The following GOLGA6C variants were observed in gnomAD, a reference collection of about 807,000 sequenced individuals.
GOLGA6C encodes golgin subfamily A member 6C.
A neutral mutation model predicts 57.5 loss-of-function variants in GOLGA6C; 3 were observed. The ratio of observed to expected loss-of-function variants is 0.05; its 90% CI spans 0.02 to 0.13. The LOEUF (loss-of-function observed/expected upper bound fraction) is 0.13, where lower values mean the gene tolerates loss of function less well. Ranked by LOEUF, GOLGA6C falls within the 10% of genes least tolerant of loss-of-function variation. The pLI is 1.00. For synonymous variants in GOLGA6C, 32 were observed against 203.8 expected, an observed-to-expected ratio of 0.16 and a Z score of 7.18; for missense variants, 88 against 525.6, an observed-to-expected ratio of 0.17 and a Z score of 8.14.
chr15:75,259,230 T>TC (rs2070723762), intron 1 of GOLGA6C, among the ~76,000 whole-genome samples: 1 of 148,940 alleles, frequency 6.7e-6, no homozygotes, highest in Admixed American at 6.6e-5. Context: ...TGATGAGGTT[T>TC]CCCCCACCCC....
At chr15:75,258,864 C>G (rs1452820359) in intron 1 of GOLGA6C, among the ~76,000 whole-genome samples, 182 bp downstream of exon 1, 2 of 151,312 alleles carry the variant, frequency 1.3e-5, no homozygotes, top group Non-Finnish European at 2.9e-5. Flanking sequence ...CAGCAAGCAG[C>G]CCAGCCTCTG....
chr15:75,259,181 C>G (rs563772241), intron 1 of GOLGA6C, among the ~76,000 whole-genome samples: 1 of 151,902 alleles, frequency 6.6e-6, no homozygotes. Context: ...CCCCACGTCC[C>G]CCCTCCCCCA....
At position 75,270,132 on chromosome 15, in the gene GOLGA6C, G is replaced by C. The variant is rs570843635; in HGVS notation, c.2015G>C (p.Gly672Ala). 1.1e-5 allele frequency: 17 copies of C among 1,595,580 alleles called. No homozygotes were observed. Among genetic ancestry groups the C allele is most frequent in the Admixed American group, 1.7e-5 (1 of 57,476 alleles). ...VEPAPGAARE[G>A]SPHDNPPVQQ... ...CCTGCACCAGGAGCGGCCAGGGAGGGTTCTCCCCATGACAACCCCCCGGTA... is the reference window on the plus strand; with the variant it reads ...CCTGCACCAGGAGCGGCCAGGGAGGCTTCTCCCCATGACAACCCCCCGGTA... The change falls in exon 18 of 18, where the codon GGT (glycine) becomes GCT (alanine). Residue 672 changes from glycine (G) to alanine (A), a missense_variant. By Grantham distance (60) the Gly-to-Ala change is moderately conservative. Coordinates refer to ENST00000300576, the MANE Select transcript of GOLGA6C (RefSeq NM_001164404.2).
rs1331653149 is a variant in GOLGA6C at position 75,265,371 on chromosome 15, A to T, written c.706A>T (p.Ile236Leu). Residue 236 changes from isoleucine (I) to leucine (L), a missense_variant, in exon 9 of 18, where the codon ATA (isoleucine) becomes TTA (leucine). Transcript: ENST00000300576. The stretch of plus-strand genomic sequence containing the variant: ...AGAGCGGGACGAATATGCTAAACAC[A>T]TAAAAGGAGAGAGGGCCCGGTGGCA... ...QLERDEYAKH[I>L]KGERARWQER... 1 of 1,603,370 alleles carries T rather than the reference A, an allele frequency of 6.2e-7. No homozygotes were observed. The highest frequency in any genetic ancestry group is 1.1e-5 in the South Asian group (1 of 90,330).
Position 75,270,062 on chromosome 15 carries a change from C to G in GOLGA6C, c.1955-10C>G, listed in dbSNP as rs1480677868. 2 of 1,603,834 alleles carry G rather than the reference C, an allele frequency of 1.2e-6. No homozygotes were observed. The highest frequency in any genetic ancestry group is 1.1e-5 in the South Asian group (1 of 90,158). On this transcript the variant is annotated splice_polypyrimidine_tract_variant and intron_variant, in intron 17 of 17. Coordinates refer to ENST00000300576, the MANE Select transcript of GOLGA6C (RefSeq NM_001164404.2). ...ACTGTGCTCAGACCCCCGCCTCCCT[C>G]TCTCCGAAGATTTTTATGAAGTGAG...
intron 14 of GOLGA6C, among the ~76,000 whole-genome samples, chr15:75,269,188 G>A (rs1345223730): frequency 2.1e-5 from 3 of 146,320 alleles, no homozygotes; most frequent in Non-Finnish European, 4.5e-5. Flanking sequence ...GGAGGAGCAG[G>A]CACGGCTATG....
Position 75,273,006 on chromosome 15 carries a change from ATTTG to A in GOLGA6C, c.*2811_*2814del, listed in dbSNP as rs2070796740. Among the ~76,000 whole-genome samples, 1 of 152,018 alleles carries A rather than the reference ATTTG, an allele frequency of 6.6e-6. No individual in the cohort carries two copies. Among genetic ancestry groups the A allele is most frequent in the Admixed American group, 6.6e-5 (1 of 15,262 alleles). The stretch of plus-strand genomic sequence containing the variant: ...TGCAATATATAATCATTTTTAAAGT[ATTTG>A]TTTAACCTGATGGGTTTTCCAGAAA... On this transcript the variant is annotated 3_prime_UTR_variant, in exon 18 of 18. Coordinates refer to ENST00000300576, the MANE Select transcript of GOLGA6C (RefSeq NM_001164404.2).
chr15:75,272,920 G>T lies in GOLGA6C; in HGVS notation c.*2721G>T, dbSNP rs1369059305. On this transcript the variant is annotated 3_prime_UTR_variant, in exon 18 of 18. Coordinates refer to ENST00000300576, the MANE Select transcript of GOLGA6C (RefSeq NM_001164404.2). Reference sequence around the variant, plus strand: ...AGAAACATAGAATTTTAAAGTGTGGGTTCAACTGAATAAATTTGAATTTCT... The same window carrying T: ...AGAAACATAGAATTTTAAAGTGTGGTTTCAACTGAATAAATTTGAATTTCT... Among the ~76,000 whole-genome samples the T allele has an allele frequency of 6.6e-6, 1 of 152,014 alleles. No individual in the cohort carries two copies. The highest frequency in any genetic ancestry group is 1.5e-5 in the Non-Finnish European group (1 of 68,052).
Position 75,258,525 on chromosome 15 carries a change from C to T in GOLGA6C, c.-74C>T. The T allele has an allele frequency of 9.8e-6, 4 of 406,288 alleles. No homozygotes were observed. Among genetic ancestry groups the T allele is most frequent in the South Asian group, 8.6e-5 (4 of 46,270 alleles). 25.2% of individuals were successfully genotyped at this position (406,288 alleles called of 1,614,324 possible). On this transcript the variant is annotated 5_prime_UTR_variant, in exon 1 of 18. Coordinates refer to ENST00000300576, the MANE Select transcript of GOLGA6C (RefSeq NM_001164404.2). ...TAAGGCCACACCCCTATTCTGCATT[C>T]TAGTGTGGCCCTGGTTACGCCTCCT... is the stretch of plus-strand genomic sequence containing the variant.
rs1439422687 is a variant in GOLGA6C at position 75,273,160 on chromosome 15, T to C, written c.*2961T>C. ...AAGAGTCATTTTAAAAGAATATAAC[T>C]ATTCAAAAATGTAACTGCTATCTTA... On this transcript the variant is annotated 3_prime_UTR_variant, in exon 18 of 18. Transcript: ENST00000300576. Among the ~76,000 whole-genome samples the C allele has an allele frequency of 2.6e-5, 4 of 152,144 alleles. No individual in the cohort carries two copies. Among genetic ancestry groups the C allele is most frequent in the African/African-American group, 9.7e-5 (4 of 41,362 alleles).
chr15:75,270,615 G>A lies in GOLGA6C; in HGVS notation c.*416G>A, dbSNP rs1283537419. 2.1e-4 allele frequency among the ~76,000 whole-genome samples: 11 copies of A among 51,342 alleles called. No homozygotes were observed. The highest frequency in any genetic ancestry group is 6.7e-4 in the African/African-American group (8 of 11,938). 33.7% of individuals were successfully genotyped at this position (51,342 alleles called of 152,430 possible). A position where few individuals can be genotyped will look rare whatever the true frequency, so the allele number is the denominator to read the frequency against. ...TGGCTGGTTTGGAACAGGCTGCCAT[G>A]CTTTTTTAATGTTATTGCAGCATGT... On this transcript the variant is annotated 3_prime_UTR_variant, in exon 18 of 18. Coordinates refer to ENST00000300576, the MANE Select transcript of GOLGA6C (RefSeq NM_001164404.2).
At chr15:75,259,129 C>T (rs1448790851) in intron 1 of GOLGA6C, among the ~76,000 whole-genome samples, 1 of 152,088 alleles carries the variant, frequency 6.6e-6, no homozygotes, top group Non-Finnish European at 1.5e-5. Context: ...CCCGACCTCC[C>T]TGGGCTCTCT....
rs2070794206 is a variant in GOLGA6C at position 75,272,729 on chromosome 15, A to C, written c.*2530A>C. 6.6e-6 allele frequency among the ~76,000 whole-genome samples: 1 copy of C among 151,136 alleles called. No homozygotes were observed. The highest frequency in any genetic ancestry group is 1.5e-5 in the Non-Finnish European group (1 of 68,048). On this transcript the variant is annotated 3_prime_UTR_variant, in exon 18 of 18. Coordinates refer to ENST00000300576, the MANE Select transcript of GOLGA6C (RefSeq NM_001164404.2). ...GGTATTCTGTCATATATTTAAGAAA[A>C]ATTAAATAGCATGTAAATCATATAA...
rs535968048 is a variant in GOLGA6C at position 75,258,822 on chromosome 15, C to T, written c.84+140C>T. 5 of 805,870 alleles carry T rather than the reference C, an allele frequency of 6.2e-6. 1 individual carries two copies. Among genetic ancestry groups the T allele is most frequent in the East Asian group, 2.6e-5 (1 of 37,874 alleles). 49.9% of individuals were successfully genotyped at this position (805,870 alleles called of 1,614,324 possible). A position where few individuals can be genotyped will look rare whatever the true frequency, so the allele number is the denominator to read the frequency against. ...TACCCCGGCGCCTCTGGGCTCCCCC[C>T]ACCAAAGTCTTGTCAGTCAGCCCCG... On this transcript the variant is annotated intron_variant, in intron 1 of 17. Coordinates refer to ENST00000300576, the MANE Select transcript of GOLGA6C (RefSeq NM_001164404.2).
intron 7 of GOLGA6C, 38 bp from the exon 8 acceptor site, chr15:75,265,084 G>T: frequency 6.2e-7 from 1 of 1,606,074 alleles, no homozygotes; most frequent in Non-Finnish European, 8.5e-7. Flanking sequence ...CACTGCCCGG[G>T]CTCCCCAGAT....
intron 7 of GOLGA6C, among the ~76,000 whole-genome samples, chr15:75,264,897 A>C (rs1169407412): frequency 1.9e-4 from 28 of 148,388 alleles, no homozygotes; most frequent in Admixed American, 6.7e-4. Flanking sequence ...CAGTAATAAC[A>C]ATAGCAATAT....
rs1454454949 is a variant in GOLGA6C, at chr15:75,273,422, T to C, written c.*3223T>C. Among the ~76,000 whole-genome samples the C allele has an allele frequency of 1.3e-5, 2 of 152,132 alleles. No individual in the cohort carries two copies. The highest frequency in any genetic ancestry group is 6.6e-5 in the Admixed American group (1 of 15,258). Reference sequence around the variant, plus strand: ...GTTGACTGCTACTGTGATGCTACTGTAATGTAATAAATTATTAAATTGTTG... The same window carrying C: ...GTTGACTGCTACTGTGATGCTACTGCAATGTAATAAATTATTAAATTGTTG... On this transcript the variant is annotated 3_prime_UTR_variant, in exon 18 of 18. Transcript: ENST00000300576.
chr15:75,265,441 C>G lies in GOLGA6C; in HGVS notation c.759+17C>G. 6.7e-7 allele frequency: 1 copy of G among 1,494,400 alleles called. No homozygotes were observed. The highest frequency in any genetic ancestry group is 1.2e-5 in the South Asian group (1 of 86,194). 92.6% of individuals were successfully genotyped at this position (1,494,400 alleles called of 1,614,324 possible). On this transcript the variant is annotated intron_variant, in intron 9 of 17. Transcript: ENST00000300576. ...TCGGTGGAGGTGAGGTCTGACCCTT[C>G]AGCCCCCACTTTAGATAGGTCACTG...
intron 14 of GOLGA6C, among the ~76,000 whole-genome samples, chr15:75,269,189 C>A (rs1302242902): frequency 6.8e-6 from 1 of 146,340 alleles, no homozygotes; most frequent in Non-Finnish European, 1.5e-5. Context: ...GAGGAGCAGG[C>A]ACGGCTATGT....
Sources: gnomAD v4.1 joint callset for allele counts (sites outside exome capture counted in the v4.1 genomes callset) on GRCh38, gnomAD v4.1.1 for gene constraint, MANE v1.5 for transcripts, NCBI Gene and HGNC (gene_info 2026-07-23, HGNC 2026-07-21) for gene names.